SGCZ: variants seen among roughly 807,000 people sequenced by gnomAD.
SGCZ encodes zeta-sarcoglycan.
Under a neutral mutation model 41.3 loss-of-function variants are expected in SGCZ, and 40 were observed. The ratio of observed to expected loss-of-function variants is 0.97; its 90% CI spans 0.75 to 1.26. SGCZ has a LOEUF of 1.26. SGCZ is among the 50% of genes most tolerant of loss of function. The pLI is 0.00. For missense variants in SGCZ, 552 were observed against 369.8 expected (o/e 1.49, Z -4.04); for synonymous variants, 206 against 137.5 (o/e 1.50, Z -3.49).
intron 1 of SGCZ, among the ~76,000 whole-genome samples, chr8:14,664,562 G>T (rs1286943008): frequency 6.6e-6 from 1 of 152,106 alleles, no homozygotes; most frequent in African/African-American, 2.4e-5. Flanking sequence ...CATACTTTAA[G>T]GAGGACAAGA....
chr8:14,125,209 T>C (rs73522423), intron 5 of SGCZ, among the ~76,000 whole-genome samples: 29,371 of 151,960 alleles, frequency 0.19, 3,639 homozygotes, highest in East Asian at 0.66. Context: ...TGGCCAGGCG[T>C]GGTGGCTCAC....
At chr8:14,503,109 G>A (rs1476380351) in intron 2 of SGCZ, among the ~76,000 whole-genome samples, 1 of 152,134 alleles carries the variant, frequency 6.6e-6, no homozygotes, top group Admixed American at 6.6e-5. Context: ...GTATTACTAT[G>A]CAGCCATAAA....
intron 1 of SGCZ, among the ~76,000 whole-genome samples, chr8:14,949,084 G>A (rs540746415): frequency 7.2e-4 from 110 of 152,016 alleles, no homozygotes; most frequent in African/African-American, 2.2e-3. Context: ...AACTTACACC[G>A]CCCAGAATTT....
At chr8:14,320,434 T>C (rs1187847000) in intron 3 of SGCZ, among the ~76,000 whole-genome samples, 1 of 151,032 alleles carries the variant, frequency 6.6e-6, no homozygotes. Context: ...GACTGAATTC[T>C]TTTATTATTA....
At chr8:14,111,358 A>T (rs117752471) in intron 5 of SGCZ, among the ~76,000 whole-genome samples, 2,454 of 152,280 alleles carry the variant, frequency 0.016, 26 homozygotes, top group Non-Finnish European at 0.025. Context: ...TTTGGTACAT[A>T]AGGACAGATC....
At chr8:15,129,720 A>AAAAAG (rs1298602022) in intron 1 of SGCZ, among the ~76,000 whole-genome samples, 2 of 151,608 alleles carry the variant, frequency 1.3e-5, no homozygotes, top group African/African-American at 4.8e-5. Flanking sequence ...AAAAAAAAAA[A>AAAAAG]AAAAATCACA....
chr8:14,180,499 A>C (rs1173174612), intron 4 of SGCZ, among the ~76,000 whole-genome samples: 7 of 152,114 alleles, frequency 4.6e-5, no homozygotes, highest in Non-Finnish European at 1.5e-5. Flanking sequence ...ACTAGAACAA[A>C]ATATAGACTG....
At chr8:14,403,885 A>G (rs969717769) in intron 2 of SGCZ, among the ~76,000 whole-genome samples, 1 of 152,194 alleles carries the variant, frequency 6.6e-6, no homozygotes, top group Non-Finnish European at 1.5e-5. Flanking sequence ...GCTTTAAAAT[A>G]ATCAGTCATA....
chr8:14,241,286 G>A (rs936831585), intron 3 of SGCZ, among the ~76,000 whole-genome samples: 19 of 151,720 alleles, frequency 1.3e-4, no homozygotes, highest in African/African-American at 4.6e-4. Context: ...TTCTTGCTGA[G>A]AAGATAAAGG....
At chr8:14,831,782 A>ATATATGTGTGTACACATACATG (rs1201232482) in intron 1 of SGCZ, among the ~76,000 whole-genome samples, 167 of 18,886 alleles carry the variant, frequency 8.8e-3, no homozygotes, top group Admixed American at 0.029. Flanking sequence ...ACACACACGT[A>ATATATGTGTGTACACATACATG]TATATGTGTG....
intron 1 of SGCZ, among the ~76,000 whole-genome samples, chr8:14,697,258 A>T (rs970025246): frequency 1.3e-5 from 2 of 152,028 alleles, no homozygotes; most frequent in Admixed American, 6.6e-5. Context: ...TTCTGGCTTT[A>T]CTACATGCCA....
chr8:15,032,510 G>C (rs1803712428), intron 1 of SGCZ, among the ~76,000 whole-genome samples: 2 of 152,026 alleles, frequency 1.3e-5, no homozygotes, highest in African/African-American at 4.8e-5. Flanking sequence ...TGCCAGGCTG[G>C]GACTTATGGA....
chr8:14,482,512 T>C (rs974456881), intron 2 of SGCZ, among the ~76,000 whole-genome samples: 1 of 152,204 alleles, frequency 6.6e-6, no homozygotes, highest in Non-Finnish European at 1.5e-5. Context: ...TTAACAAGTA[T>C]AACAACTTTG....
chr8:14,904,708 T>G (rs74675074), intron 1 of SGCZ, among the ~76,000 whole-genome samples: 3,362 of 152,118 alleles, frequency 0.022, 128 homozygotes, highest in African/African-American at 0.076. Flanking sequence ...GAAAATATTC[T>G]CTATCTATAT....
At chr8:14,767,277 T>A (rs1800067045) in intron 1 of SGCZ, among the ~76,000 whole-genome samples, 1 of 152,096 alleles carries the variant, frequency 6.6e-6, no homozygotes, top group Non-Finnish European at 1.5e-5. Flanking sequence ...AAGCCCAGAG[T>A]AGGTGACTGA....
chr8:14,118,437 G>A (rs367976604), intron 5 of SGCZ, among the ~76,000 whole-genome samples: 1 of 152,004 alleles, frequency 6.6e-6, no homozygotes, highest in Non-Finnish European at 1.5e-5. Context: ...GTAAATTTAA[G>A]TTCTTTGTAG....
At chr8:14,233,591 A>ATAT (rs1563201413) in intron 4 of SGCZ, among the ~76,000 whole-genome samples, 2 of 127,556 alleles carry the variant, frequency 1.6e-5, no homozygotes, top group African/African-American at 2.6e-5. Context: ...TTCTATATAA[A>ATAT]ATATAGATAT....
intron 2 of SGCZ, among the ~76,000 whole-genome samples, chr8:14,404,040 C>G (rs1439898788): frequency 6.6e-6 from 1 of 151,932 alleles, no homozygotes. Context: ...GGGGGGCCAA[C>G]AAATCATGTA....
intron 1 of SGCZ, among the ~76,000 whole-genome samples, chr8:14,602,622 T>C (rs1563145355): frequency 6.6e-6 from 1 of 152,184 alleles, no homozygotes; most frequent in African/African-American, 2.4e-5. Flanking sequence ...TAAAATATCA[T>C]CTGTCTTTCA....
Sources: allele counts gnomAD v4.1 joint callset (sites outside exome capture counted in the v4.1 genomes callset), GRCh38; gene constraint gnomAD v4.1.1; transcripts MANE v1.5; gene names NCBI Gene and HGNC (gene_info 2026-07-23, HGNC 2026-07-21).